Variants in DNAH7 observed in about 807,000 individuals in gnomAD.
DNAH7 encodes the protein dynein axonemal heavy chain 7, also known as axonemal beta dynein heavy chain 7.
Under a neutral mutation model 444.6 loss-of-function variants are expected in DNAH7, and 397 were observed. That is an observed-to-expected ratio of 0.89 (90% confidence interval 0.82 to 0.97). The LOEUF is 0.97. Among genes scored for constraint, DNAH7 ranks in the 50% least tolerant of loss-of-function variants. DNAH7 has a pLI of 0.00. For missense variants in DNAH7, 4,902 were observed against 4,800.8 expected, an observed-to-expected ratio of 1.02 and a Z score of -0.62; for synonymous variants, 1,636 against 1,624.4, an observed-to-expected ratio of 1.01 and a Z score of -0.17.
chr2:195,802,231 C>T (rs1696498115), intron 54 of DNAH7, among the ~76,000 whole-genome samples: 1 of 152,136 alleles, frequency 6.6e-6, no homozygotes, highest in South Asian at 2.1e-4. Flanking sequence ...TAAATTTCAG[C>T]CAGGCGTGGT....
intron 21 of DNAH7, among the ~76,000 whole-genome samples, chr2:195,926,858 C>G (rs1688366934): frequency 6.6e-6 from 1 of 151,806 alleles, no homozygotes; most frequent in Non-Finnish European, 1.5e-5. Flanking sequence ...CAAAGACATC[C>G]TAGATACATT....
rs1260997423 is a variant in DNAH7, at chr2:195,923,799, C to T, written c.3621G>A (p.Glu1207=). The T allele has an allele frequency of 6.2e-7, 1 of 1,613,616 alleles. No homozygotes were observed. Among genetic ancestry groups the T allele is most frequent in the African/African-American group, 1.3e-5 (1 of 74,874 alleles). ...GTCTGTTACATGTTTTCAAGTATTG[C>T]TCAAGAGCCTGAAAGAAAAGAAAAT... ...TAIPMGIKAL[E]QYLKTCNRQI... is the part of the protein sequence containing the mutation. Residue 1207 remains glutamate (E), a synonymous_variant, in exon 23 of 65, where the codon GAG becomes GAA. Coordinates refer to ENST00000312428, the MANE Select transcript of DNAH7 (RefSeq NM_018897.3).
intron 30 of DNAH7, chr2:195,893,419 G>C (rs1402932057): frequency 3.9e-5 from 6 of 152,230 alleles, no homozygotes; most frequent in Non-Finnish European, 1.5e-5. Context: ...ATTTTTAGTA[G>C]AGACAGGGTT....
chr2:195,794,284 G>C (rs181302147), intron 57 of DNAH7, 54 bp downstream of exon 57: 69 of 1,556,300 alleles, frequency 4.4e-5, no homozygotes, highest in Non-Finnish European at 6.1e-5. Context: ...GATCACCAGG[G>C]GCCACTTGAA....
At chr2:195,929,927 A>C (rs891627722) in intron 21 of DNAH7, among the ~76,000 whole-genome samples, 3 of 152,266 alleles carry the variant, frequency 2.0e-5, no homozygotes, top group African/African-American at 7.2e-5. Flanking sequence ...TCAACAGAGT[A>C]AACAGACAAC....
intron 5 of DNAH7, among the ~76,000 whole-genome samples, chr2:196,036,296 A>G (rs562232175): frequency 6.6e-6 from 1 of 152,172 alleles, no homozygotes; most frequent in Admixed American, 6.5e-5. Flanking sequence ...AGCCTCTCAA[A>G]GTTCTGAGAT....
intron 56 of DNAH7, 90 bp from the exon 57 acceptor site, chr2:195,794,628 A>T: frequency 8.1e-7 from 1 of 1,236,482 alleles, no homozygotes; most frequent in Non-Finnish European, 1.2e-6. Context: ...TGGAAGGGGG[A>T]GGAAGTATTT....
chr2:195,941,453 A>T (rs1044683397), intron 19 of DNAH7, among the ~76,000 whole-genome samples: 1 of 140,032 alleles, frequency 7.1e-6, no homozygotes, highest in East Asian at 2.0e-4. Context: ...CTAGATGACA[A>T]AAAAAAAAAA....
chr2:195,881,130 T>C (rs1701353663), intron 36 of DNAH7, among the ~76,000 whole-genome samples: 1 of 152,214 alleles, frequency 6.6e-6, no homozygotes, highest in African/African-American at 2.4e-5. Context: ...CAATCTTTTA[T>C]GAAAGAGATT....
At chr2:196,052,046 C>G (rs562680093) in intron 2 of DNAH7, among the ~76,000 whole-genome samples, 3 of 152,324 alleles carry the variant, frequency 2.0e-5, no homozygotes, top group South Asian at 4.1e-4. Context: ...GCTTATATTG[C>G]AAGTTGACAG....
chr2:196,033,493 ACT>A (rs1411788390), intron 5 of DNAH7, among the ~76,000 whole-genome samples: 3 of 151,918 alleles, frequency 2.0e-5, no homozygotes, highest in South Asian at 4.2e-4. Flanking sequence ...CAACCATTCT[ACT>A]CTCTGTTTCT....
intron 6 of DNAH7, 136 bp downstream of exon 6, chr2:196,027,824 T>G: frequency 1.5e-6 from 1 of 688,654 alleles, no homozygotes; most frequent in Non-Finnish European, 2.2e-6. Context: ...TGGTGCCTTT[T>G]TATAGAACTC....
At chr2:195,909,257 A>G (rs1687217084) in intron 25 of DNAH7, among the ~76,000 whole-genome samples, 1 of 152,212 alleles carries the variant, frequency 6.6e-6, no homozygotes. Context: ...GGAAATAAAA[A>G]TAAAATAAAA....
chr2:195,778,430 T>C (rs1332108894), intron 58 of DNAH7, among the ~76,000 whole-genome samples: 1 of 149,154 alleles, frequency 6.7e-6, no homozygotes, highest in Non-Finnish European at 1.5e-5. Flanking sequence ...TTGAGCCCAG[T>C]AGTTTGAGAA....
chr2:196,000,368 C>T (rs1226222188), intron 12 of DNAH7, among the ~76,000 whole-genome samples: 1 of 152,042 alleles, frequency 6.6e-6, no homozygotes, highest in Non-Finnish European at 1.5e-5. Context: ...TTTTACAGAG[C>T]TGGAAAAGCA....
intron 46 of DNAH7, among the ~76,000 whole-genome samples, chr2:195,846,977 G>C (rs1699035433): frequency 6.6e-6 from 1 of 150,940 alleles, no homozygotes; most frequent in South Asian, 2.1e-4. Flanking sequence ...GTGTGTGTGT[G>C]TGTGTATCCT....
chr2:196,031,934 T>C (rs1260455243), intron 5 of DNAH7, among the ~76,000 whole-genome samples: 4 of 152,336 alleles, frequency 2.6e-5, no homozygotes, highest in African/African-American at 9.6e-5. Context: ...CTTCCACATT[T>C]TCACATATCT....
At chr2:195,943,018 A>G (rs1266342410) in intron 19 of DNAH7, among the ~76,000 whole-genome samples, 1 of 152,122 alleles carries the variant, frequency 6.6e-6, no homozygotes, top group Non-Finnish European at 1.5e-5. Flanking sequence ...TGTTCTCATG[A>G]TAGTGAATAA....
chr2:195,785,982 T>C (rs60481204), intron 58 of DNAH7, among the ~76,000 whole-genome samples: 9,313 of 152,270 alleles, frequency 0.061, 391 homozygotes, highest in African/African-American at 0.12. Context: ...AAATTTATGA[T>C]TCTTTTGAAT....
Sources: gnomAD v4.1 joint callset for allele counts (sites outside exome capture counted in the v4.1 genomes callset) on GRCh38, gnomAD v4.1.1 for gene constraint, MANE v1.5 for transcripts, NCBI Gene and HGNC (gene_info 2026-07-23, HGNC 2026-07-21) for gene names.